Variants in PDLIM5 observed in about 807,000 individuals in gnomAD.
PDLIM5 encodes PDZ and LIM domain protein 5.
Under a neutral mutation model 64.2 loss-of-function variants are expected in PDLIM5, and 34 were observed. The observed-to-expected ratio is 0.53, with a 90% CI of 0.40 to 0.71. PDLIM5 has a LOEUF of 0.71. Among genes scored for constraint, PDLIM5 ranks in the 30% least tolerant of loss-of-function variants. The pLI, the probability that PDLIM5 is intolerant of heterozygous loss-of-function variation, is 0.00. For missense variants in PDLIM5, 683 were observed against 733.6 expected, an observed-to-expected ratio of 0.93 and a Z score of 0.80; for synonymous variants, 253 against 269.1, an observed-to-expected ratio of 0.94 and a Z score of 0.59.
chr4:94,548,006 C>G (rs1732473937), intron 3 of PDLIM5, among the ~76,000 whole-genome samples: 2 of 152,278 alleles, frequency 1.3e-5, no homozygotes, highest in South Asian at 4.1e-4. Context: ...TGTTCCCATC[C>G]TTATCTATCA....
At chr4:94,573,275 A>G in intron 3 of PDLIM5, 76 bp from the exon 4 acceptor site, 1 of 1,128,732 alleles carries the variant, frequency 8.9e-7, no homozygotes, top group South Asian at 1.3e-5. Context: ...TATAATAGTA[A>G]AAATTCCATT....
chr4:94,502,616 C>T (rs1397159419), intron 2 of PDLIM5, among the ~76,000 whole-genome samples: 1 of 152,200 alleles, frequency 6.6e-6, no homozygotes, highest in African/African-American at 2.4e-5. Context: ...GTGGCTCACA[C>T]CTGTAATCCC....
intron 8 of PDLIM5, among the ~76,000 whole-genome samples, chr4:94,630,450 C>T (rs1740051034): frequency 6.6e-6 from 1 of 152,160 alleles, no homozygotes; most frequent in Admixed American, 6.5e-5. Flanking sequence ...CCTGGGCTCA[C>T]TGCAACCTCT....
Position 94,568,870 on chromosome 4 carries a change from T to TA in PDLIM5, c.249-4480dup, listed in dbSNP as rs570053632. Among the ~76,000 whole-genome samples the TA allele has an allele frequency of 3.3e-4, 51 of 152,340 alleles. No homozygotes were observed. The South Asian group carries it at 9.7e-3, about 29-fold the overall frequency. ...CCTAAGGAGATAACAAGTTAAGTGT[T>TA]ATATCTTTGTTGGAATACTTTAGAA... On this transcript the variant is annotated intron_variant, in intron 3 of 12. Transcript: ENST00000317968.
At chr4:94,491,740 TAA>T (rs1177008294) in intron 2 of PDLIM5, among the ~76,000 whole-genome samples, 1 of 152,112 alleles carries the variant, frequency 6.6e-6, no homozygotes, top group Non-Finnish European at 1.5e-5. Flanking sequence ...TAACCTACTT[TAA>T]AATATTCTCC....
chr4:94,465,385 G>A (rs72874791), intron 2 of PDLIM5, among the ~76,000 whole-genome samples: 2 of 152,022 alleles, frequency 1.3e-5, no homozygotes, highest in Non-Finnish European at 2.9e-5. Flanking sequence ...CCATGGGGAA[G>A]TGTGATTTTA....
Position 94,629,698 on chromosome 4 carries a change from T to C in PDLIM5, c.1109-10578T>C, listed in dbSNP as rs529078687. Among the ~76,000 whole-genome samples the C allele has an allele frequency of 2.5e-4, 38 of 152,358 alleles. 1 individual carries two copies. The South Asian group carries it at 7.3e-3, about 29-fold the overall frequency. On this transcript the variant is annotated intron_variant, in intron 8 of 12. Coordinates refer to ENST00000317968, the MANE Select transcript of PDLIM5 (RefSeq NM_006457.5). ...AGCTAGCCTCCTGAAGATGTGGAAA[T>C]ATTTGATACTTAGACTTGGGTGCAC...
intron 3 of PDLIM5, among the ~76,000 whole-genome samples, chr4:94,529,985 G>T (rs1198733717): frequency 6.6e-6 from 1 of 152,086 alleles, no homozygotes. Flanking sequence ...ACTTTCAAAA[G>T]CTTCGATGTC....
In PDLIM5 at chr4:94,453,584, A is replaced by G. The variant is rs373122970; in HGVS notation, c.-43+1589A>G. Among the ~76,000 whole-genome samples, 9 of 152,358 alleles carry G rather than the reference A, an allele frequency of 5.9e-5. No individual in the cohort carries two copies. In the East Asian group the frequency reaches 1.7e-3, roughly 29 times the overall value. ...GAGCCCAACTTTCATATTATTCCCCAGACACAAGTTAAAGATTAATAAAGG... is the reference window on the plus strand; with the variant it reads ...GAGCCCAACTTTCATATTATTCCCCGGACACAAGTTAAAGATTAATAAAGG... On this transcript the variant is annotated intron_variant, in intron 1 of 12. Transcript: ENST00000317968.
chr4:94,620,812 C>T (rs1259082894), intron 8 of PDLIM5, among the ~76,000 whole-genome samples: 1 of 151,798 alleles, frequency 6.6e-6, no homozygotes, highest in Non-Finnish European at 1.5e-5. Flanking sequence ...AATCCCAGCA[C>T]TTTGGGAGGC....
At chr4:94,612,295 G>A (rs1738435810) in intron 7 of PDLIM5, among the ~76,000 whole-genome samples, 1 of 152,126 alleles carries the variant, frequency 6.6e-6, no homozygotes, top group Admixed American at 6.6e-5. Flanking sequence ...ACTTTTAAGG[G>A]AGGTGTTTAA....
chr4:94,539,720 T>C (rs757200221), intron 3 of PDLIM5, among the ~76,000 whole-genome samples: 1 of 152,192 alleles, frequency 6.6e-6, no homozygotes, highest in Non-Finnish European at 1.5e-5. Flanking sequence ...GAATTAAAAC[T>C]TAAATATAGA....
chr4:94,611,774 A>G (rs1738384308), intron 7 of PDLIM5, among the ~76,000 whole-genome samples: 1 of 152,242 alleles, frequency 6.6e-6, no homozygotes, highest in South Asian at 2.1e-4. Context: ...TATAATCTCA[A>G]TGAAATAACT....
intron 2 of PDLIM5, among the ~76,000 whole-genome samples, chr4:94,493,968 T>C (rs1009039789): frequency 1.2e-4 from 19 of 152,168 alleles, no homozygotes. Context: ...AAGCCTTTTT[T>C]ATTTTTCTCC....
chr4:94,571,593 G>C (rs1734805426), intron 3 of PDLIM5, among the ~76,000 whole-genome samples: 1 of 152,154 alleles, frequency 6.6e-6, no homozygotes, highest in African/African-American at 2.4e-5. Context: ...AAGGGGATCT[G>C]TTATCCCATT....
At position 94,665,975 on chromosome 4, in the gene PDLIM5, G is replaced by T. The variant is rs924380657; in HGVS notation, c.*1908G>T. Reference sequence around the variant, plus strand: ...TGTGGATCCTGTTGCTATTTGCCCAGTGAGAAAACAGATTCTGGTATTTGA... The same window carrying T: ...TGTGGATCCTGTTGCTATTTGCCCATTGAGAAAACAGATTCTGGTATTTGA... On this transcript the variant is annotated 3_prime_UTR_variant, in exon 13 of 13. Transcript: ENST00000317968. The T allele has an allele frequency of 2.4e-5, 37 of 1,531,710 alleles. No individual in the cohort carries two copies. The highest frequency in any genetic ancestry group is 3.1e-5 in the Non-Finnish European group (35 of 1,144,456). 94.9% of individuals were successfully genotyped at this position (1,531,710 alleles called of 1,614,324 possible).
chr4:94,556,985 C>G (rs1375665616), intron 3 of PDLIM5, among the ~76,000 whole-genome samples: 2 of 152,174 alleles, frequency 1.3e-5, no homozygotes, highest in Non-Finnish European at 2.9e-5. Flanking sequence ...TTGCCCATGC[C>G]TGTGTCCTGA....
At chr4:94,454,254 AT>A (rs1216069526) in intron 1 of PDLIM5, among the ~76,000 whole-genome samples, 1 of 151,598 alleles carries the variant, frequency 6.6e-6, no homozygotes, top group Non-Finnish European at 1.5e-5. Context: ...GTTTCTTAGT[AT>A]TCCATTAAAA....
At chr4:94,490,920 T>C (rs1726816056) in intron 2 of PDLIM5, among the ~76,000 whole-genome samples, 1 of 152,188 alleles carries the variant, frequency 6.6e-6, no homozygotes, top group African/African-American at 2.4e-5. Flanking sequence ...TATACTGCTA[T>C]GTGAATGTGA....
Sources: gnomAD v4.1 joint callset for allele counts (sites outside exome capture counted in the v4.1 genomes callset) on GRCh38, gnomAD v4.1.1 for gene constraint, MANE v1.5 for transcripts, NCBI Gene and HGNC (gene_info 2026-07-23, HGNC 2026-07-21) for gene names.